PARPBP: variants seen among roughly 807,000 people sequenced by gnomAD.
PARPBP encodes PCNA-interacting partner.
In PARPBP, 52 loss-of-function variants were observed where a neutral mutation model predicts 50.0. The observed-to-expected ratio is 1.04, with a 90% CI of 0.83 to 1.31. The LOEUF (loss-of-function observed/expected upper bound fraction) is 1.31, where lower values mean the gene tolerates loss of function less well. Among genes scored for constraint, PARPBP ranks in the 50% most tolerant of loss-of-function variants. The probability of loss-of-function intolerance (pLI) is 0.00; values close to 1 mark genes in which losing one functional copy is unlikely to be tolerated. For missense variants in PARPBP, 697 were observed against 672.0 expected, an observed-to-expected ratio of 1.04 and a Z score of -0.41; for synonymous variants, 244 against 232.1, an observed-to-expected ratio of 1.05 and a Z score of -0.47.
chr12:102,190,701 C>T (rs903845775), intron 9 of PARPBP, among the ~76,000 whole-genome samples: 3 of 152,008 alleles, frequency 2.0e-5, no homozygotes, highest in African/African-American at 7.2e-5. Flanking sequence ...GAGGGGATGG[C>T]AACAGGAGGA....
intron 4 of PARPBP, 86 bp from the exon 5 acceptor site, chr12:102,164,352 T>A (rs565943756): frequency 3.2e-6 from 3 of 950,260 alleles, no homozygotes; most frequent in Non-Finnish European, 3.2e-6. Flanking sequence ...GATTGAATGA[T>A]TACATACATT....
chr12:102,164,451 C>G lies in PARPBP; in HGVS notation c.509C>G (p.Ala170Gly). Residue 170 changes from alanine (A) to glycine (G), a missense_variant, in exon 5 of 11, where the codon GCA becomes GGA. Physicochemically the swap from Ala to Gly is moderately conservative, Grantham distance 60. Transcript: ENST00000327680. ...TTTATTGCACAGGTGCAGCTGCTAG[C>G]AAGGAAAATTATCTTTTCATATTTA... is the stretch of plus-strand genomic sequence containing the variant. ...NRDNEKVQLL[A>G]RKIIFSYLNL... 1 of 1,611,270 alleles carries G rather than the reference C, an allele frequency of 6.2e-7. No individual in the cohort carries two copies. Among genetic ancestry groups the G allele is most frequent in the South Asian group, 1.1e-5 (1 of 90,938 alleles).
chr12:102,161,803 G>T (rs1887628001), intron 4 of PARPBP, among the ~76,000 whole-genome samples: 1 of 152,156 alleles, frequency 6.6e-6, no homozygotes, highest in African/African-American at 2.4e-5. Context: ...ATAATAGGGT[G>T]ATATGCAGAG....
Position 102,182,608 on chromosome 12 carries a change from T to G in PARPBP, c.1244T>G (p.Met415Arg). The change falls in exon 9 of 11, where the codon ATG (methionine) becomes AGG (arginine). Residue 415 changes from methionine (M) to arginine (R), a missense_variant. Met to Arg is a moderately conservative substitution (Grantham distance 91). Coordinates refer to ENST00000327680, the MANE Select transcript of PARPBP (RefSeq NM_017915.5). Reference sequence around the variant, plus strand: ...CTAAGAGAACGCATCTGTGTGTCAATGCAAGAGAAAAAAATTAAGGTACAA... The same window carrying G: ...CTAAGAGAACGCATCTGTGTGTCAAGGCAAGAGAAAAAAATTAAGGTACAA... The part of the protein sequence containing the change: ...KPLRERICVS[M>R]QEKKIKMKQT... 1.9e-6 allele frequency: 3 copies of G among 1,609,428 alleles called. No homozygotes were observed. The highest frequency in any genetic ancestry group is 2.5e-6 in the Non-Finnish European group (3 of 1,176,848).
At chr12:102,163,377 T>G (rs540819191) in intron 4 of PARPBP, among the ~76,000 whole-genome samples, 45 of 152,354 alleles carry the variant, frequency 3.0e-4, no homozygotes, top group African/African-American at 7.9e-4. Flanking sequence ...CATTTTGTTC[T>G]GGCTGCACTC....
intron 6 of PARPBP, among the ~76,000 whole-genome samples, chr12:102,169,284 C>G (rs902973539): frequency 6.6e-6 from 1 of 152,170 alleles, no homozygotes; most frequent in African/African-American, 2.4e-5. Flanking sequence ...CCTACCTCTT[C>G]TACTACATAT....
At position 102,178,739 on chromosome 12, in the gene PARPBP, C is replaced by A; in HGVS notation, c.1153C>A (p.His385Asn). The A allele has an allele frequency of 6.2e-7, 1 of 1,611,972 alleles. No individual in the cohort carries two copies. The highest frequency in any genetic ancestry group is 1.1e-5 in the South Asian group (1 of 90,694). The change falls in exon 8 of 11, where the codon CAT becomes AAT. Residue 385 changes from histidine (H) to asparagine (N), a missense_variant. Physicochemically the swap from His to Asn is moderately conservative, Grantham distance 68. Coordinates refer to ENST00000327680, the MANE Select transcript of PARPBP (RefSeq NM_017915.5). ...LLYDEENTIH[H>N]HGTSILTLFR... ...ATATGATGAGGAAAACACAATCCATCATCATGGAACGTCTATTCTTACACT... is the reference window on the plus strand; with the variant it reads ...ATATGATGAGGAAAACACAATCCATAATCATGGAACGTCTATTCTTACACT...
intron 9 of PARPBP, among the ~76,000 whole-genome samples, chr12:102,186,174 A>G (rs995936992): frequency 3.3e-5 from 5 of 151,994 alleles, no homozygotes; most frequent in Admixed American, 1.3e-4. Context: ...CCTTTTTTAA[A>G]AAAATTTCTG....
intron 1 of PARPBP, 141 bp downstream of exon 1, chr12:102,120,427 G>C: frequency 2.2e-6 from 1 of 456,386 alleles, no homozygotes; most frequent in South Asian, 1.5e-5. Context: ...GCAGTGACTT[G>C]ACGCTCGAGC....
chr12:102,142,103 C>T (rs908440165), intron 2 of PARPBP, among the ~76,000 whole-genome samples: 1 of 152,174 alleles, frequency 6.6e-6, no homozygotes, highest in Non-Finnish European at 1.5e-5. Flanking sequence ...TTCCATTCTC[C>T]CCGTCACTTT....
chr12:102,192,595 GAT>G (rs904208657), intron 9 of PARPBP, among the ~76,000 whole-genome samples: 12 of 152,000 alleles, frequency 7.9e-5, no homozygotes, highest in Non-Finnish European at 5.9e-5. Context: ...CTCTGTAATT[GAT>G]ATTTTTAAAC....
chr12:102,146,426 A>G (rs1031335422), intron 2 of PARPBP, among the ~76,000 whole-genome samples: 4 of 152,186 alleles, frequency 2.6e-5, no homozygotes, highest in African/African-American at 9.7e-5. Context: ...ATCTACAACT[A>G]TCTGATCTTT....
chr12:102,186,697 T>C (rs1890334533), intron 9 of PARPBP, among the ~76,000 whole-genome samples: 1 of 152,204 alleles, frequency 6.6e-6, no homozygotes. Flanking sequence ...AGTGGTAGTT[T>C]GCACATCAGG....
chr12:102,176,744 T>C (rs1051225524), intron 7 of PARPBP, among the ~76,000 whole-genome samples: 3 of 152,234 alleles, frequency 2.0e-5, no homozygotes, highest in Non-Finnish European at 4.4e-5. Context: ...TATCATTCAT[T>C]CGTTCATTCA....
chr12:102,196,993 A>G lies in PARPBP; in HGVS notation c.*702A>G, dbSNP rs530771530. 4 of 1,611,424 alleles carry G rather than the reference A, an allele frequency of 2.5e-6. No homozygotes were observed. The highest frequency in any genetic ancestry group is 3.3e-4 in the Middle Eastern group (2 of 6,052). ...CTCACTGTCAAAATCTCTCCTTCCTATAGGAAATTTAGCTGAGTTTTCTTC... is the reference window on the plus strand; with the variant it reads ...CTCACTGTCAAAATCTCTCCTTCCTGTAGGAAATTTAGCTGAGTTTTCTTC... On this transcript the variant is annotated 3_prime_UTR_variant, in exon 11 of 11. Coordinates refer to ENST00000327680, the MANE Select transcript of PARPBP (RefSeq NM_017915.5).
At chr12:102,148,099 C>G (rs545805994) in intron 2 of PARPBP, 131 bp from the exon 3 acceptor site, 1 of 461,592 alleles carries the variant, frequency 2.2e-6, no homozygotes, top group South Asian at 4.9e-5. Flanking sequence ...CTTGGGTGTT[C>G]TCTTCAAACC....
At chr12:102,143,226 A>G (rs549585815) in intron 2 of PARPBP, among the ~76,000 whole-genome samples, 1 of 152,260 alleles carries the variant, frequency 6.6e-6, no homozygotes, top group African/African-American at 2.4e-5. Flanking sequence ...TTGCAGTTCG[A>G]TCTCAGACTA....
In PARPBP at chr12:102,197,181, G is replaced by A. The variant is rs373440681; in HGVS notation, c.*890G>A. ...GTTTGGAGCCTGTGTTCTGTAAAGAGAAGGTTGATTTGGTTTTTAGCTATC... is the reference window on the plus strand; with the variant it reads ...GTTTGGAGCCTGTGTTCTGTAAAGAAAAGGTTGATTTGGTTTTTAGCTATC... On this transcript the variant is annotated 3_prime_UTR_variant, in exon 11 of 11. Coordinates refer to ENST00000327680, the MANE Select transcript of PARPBP (RefSeq NM_017915.5). 2.5e-6 allele frequency: 4 copies of A among 1,605,468 alleles called. No individual in the cohort carries two copies. In the African/African-American group the frequency reaches 5.4e-5, roughly 22 times the overall value.
rs547625677 is a variant in PARPBP, at chr12:102,186,109, G to T, written c.1263+3482G>T. Among the ~76,000 whole-genome samples the T allele has an allele frequency of 2.0e-5, 3 of 150,660 alleles. No individual in the cohort carries two copies. The South Asian group carries it at 6.2e-4, about 31-fold the overall frequency. On this transcript the variant is annotated intron_variant, in intron 9 of 10. Coordinates refer to ENST00000327680, the MANE Select transcript of PARPBP (RefSeq NM_017915.5). ...TTTTCCAATTTATTGGCATTTGTTG[G>T]TCATAGTGGTCTCTAATGACCCTTT... is the stretch of plus-strand genomic sequence containing the variant.
Sources: allele counts gnomAD v4.1 joint callset (sites outside exome capture counted in the v4.1 genomes callset), GRCh38; gene constraint gnomAD v4.1.1; transcripts MANE v1.5; gene names NCBI Gene and HGNC (gene_info 2026-07-23, HGNC 2026-07-21).